The following FER1L5 variants were observed in gnomAD, a reference collection of about 807,000 sequenced individuals.
The protein encoded by FER1L5 is fer-1 like family member 5.
In FER1L5, 187 loss-of-function variants were observed where a neutral mutation model predicts 279.9. That is an observed-to-expected ratio of 0.67 (90% CI 0.59 to 0.75). FER1L5 has a LOEUF of 0.75. FER1L5 is among the 30% of genes least tolerant of loss of function. The pLI, the probability that FER1L5 is intolerant of heterozygous loss-of-function variation, is 0.00. For missense variants in FER1L5, 2,091 were observed against 2,594.4 expected (o/e 0.81, Z 4.21); for synonymous variants, 921 against 989.7 (o/e 0.93, Z 1.30).
At chr2:96,679,259 C>T (rs1166754102) in intron 19 of FER1L5, among the ~76,000 whole-genome samples, 2 of 151,622 alleles carry the variant, frequency 1.3e-5, no homozygotes, top group Non-Finnish European at 2.9e-5. Flanking sequence ...GCGTCTCGCT[C>T]CCTCACCAGG....
At chr2:96,688,923 C>T in intron 24 of FER1L5, 1 of 340,184 alleles carries the variant, frequency 2.9e-6, no homozygotes, top group Non-Finnish European at 5.4e-6. Flanking sequence ...TCCCCTTCAC[C>T]CCAGACCCCT....
chr2:96,693,376 T>C (rs2077232066), intron 31 of FER1L5, 130 bp from the exon 32 acceptor site: 1 of 860,352 alleles, frequency 1.2e-6, no homozygotes, highest in African/African-American at 1.7e-5. Context: ...AGGGGGCCTC[T>C]GGGAGGCCTC....
Position 96,702,184 on chromosome 2 carries a change from T to C in FER1L5, c.5160-122T>C. Reference sequence around the variant, plus strand: ...GAGGAAGCTCTACTGGGAGCTTTCTTCCCCTGAATTCCCCACACTGAGCAA... The same window carrying C: ...GAGGAAGCTCTACTGGGAGCTTTCTCCCCCTGAATTCCCCACACTGAGCAA... On this transcript the variant is annotated intron_variant, in intron 46 of 52. Transcript: ENST00000624922. This position sits in a 1 kb window ranked among gnomAD's most constrained non-coding sequence, Gnocchi z 4.0. 1 of 1,556,014 alleles carries C rather than the reference T, an allele frequency of 6.4e-7. No homozygotes were observed.
chr2:96,659,551 G>T (rs1451839122), intron 9 of FER1L5, among the ~76,000 whole-genome samples: 2 of 145,814 alleles, frequency 1.4e-5, no homozygotes, highest in Admixed American at 1.5e-4. Flanking sequence ...GAGAGCAGTG[G>T]CGCAATCTCG....
chr2:96,647,228 A>C lies in FER1L5; in HGVS notation c.230+73A>C, dbSNP rs1045921698. ...AGCAAGTTATGTGATCCTTGTCTCT[A>C]ATCCATAACTCACTCAGATGAAGGA... is the stretch of plus-strand genomic sequence containing the variant. On this transcript the variant is annotated intron_variant, in intron 3 of 52. Coordinates refer to ENST00000624922, the MANE Select transcript of FER1L5 (RefSeq NM_001293083.2). 5 of 1,443,504 alleles carry C rather than the reference A, an allele frequency of 3.5e-6. No homozygotes were observed. The East Asian group carries it at 1.2e-4, about 36-fold the overall frequency. The allele number at this position is 1,443,504 out of a possible 1,614,324, so 89.4% of individuals were successfully genotyped here. A position where few individuals can be genotyped will look rare whatever the true frequency, so the allele number is the denominator to read the frequency against.
chr2:96,646,491 C>A lies in FER1L5; in HGVS notation c.138+38C>A, dbSNP rs904613468. 7 of 1,548,048 alleles carry A rather than the reference C, an allele frequency of 4.5e-6. No individual in the cohort carries two copies. In the East Asian group the frequency reaches 1.5e-4, roughly 32 times the overall value. On this transcript the variant is annotated intron_variant, in intron 2 of 52. Coordinates refer to ENST00000624922, the MANE Select transcript of FER1L5 (RefSeq NM_001293083.2). The stretch of plus-strand genomic sequence containing the variant: ...GCAAGCCCAGAAGAGGAAATAACAA[C>A]CCCAACAGCAAGGGGGCAAGGGTGG...
intron 14 of FER1L5, among the ~76,000 whole-genome samples, chr2:96,668,442 G>A (rs992618822): frequency 6.6e-6 from 1 of 152,172 alleles, no homozygotes; most frequent in African/African-American, 2.4e-5. Context: ...GCTGAGGCGG[G>A]AGGATCGTTT....
Position 96,699,684 on chromosome 2 carries a change from T to C in FER1L5, c.4745T>C (p.Phe1582Ser). ...IDLENRLLSGFGAHCGLSKSY... is the reference protein window; with the variant it reads ...IDLENRLLSGSGAHCGLSKSY... ...CTTGAAAACCGACTCCTATCTGGCT[T>C]TGGAGCTCATTGTGGGCTCTCCAAA... Residue 1582 changes from phenylalanine to serine, a missense_variant, in exon 43 of 53, where the codon TTT becomes TCT. Transcript: ENST00000624922. 1.2e-6 allele frequency: 2 copies of C among 1,614,048 alleles called. No homozygotes were observed. The highest frequency in any genetic ancestry group is 1.1e-5 in the South Asian group (1 of 91,086).
Position 96,703,341 on chromosome 2 carries a change from T to C in FER1L5, c.5686T>C (p.Leu1896=), listed in dbSNP as rs745906805. Residue 1896 remains leucine (L), a synonymous_variant, in exon 50 of 53, where the codon TTG becomes CTG. Transcript: ENST00000624922. Reference sequence around the variant, plus strand: ...GGTCCTCGATGGTGGCAAATGGCGCTTGTCGGTAGGAGCTGGGGAGTGTCT... The same window carrying C: ...GGTCCTCGATGGTGGCAAATGGCGCCTGTCGGTAGGAGCTGGGGAGTGTCT... ...CQVLDGGKWR[L]SGKVKMSLEI... is the part of the protein sequence containing the mutation. 5.6e-6 allele frequency: 9 copies of C among 1,609,302 alleles called. No homozygotes were observed. The highest frequency in any genetic ancestry group is 6.8e-6 in the Non-Finnish European group (8 of 1,177,670).
chr2:96,691,269 C>A lies in FER1L5; in HGVS notation c.2823C>A (p.Cys941Ter), dbSNP rs1341208615. ...WSPVEKTYHS[C>*]RRRRWARVRF... ...CGGTGGAGAAGACCTACCACTCGTG[C>A]CGCCGCCGGCGCTGGGCGCGTGTGC... Residue 941 changes from cysteine to a stop codon, truncating the protein, a stop_gained, in exon 28 of 53, where the codon TGC (cysteine) becomes TGA (stop). Transcript: ENST00000624922. LOFTEE classifies it high-confidence loss of function. The surrounding 1 kb of genome is among the most constrained non-coding windows in gnomAD (Gnocchi z 6.0). 1 of 1,550,410 alleles carries A rather than the reference C, an allele frequency of 6.4e-7. No individual in the cohort carries two copies.
intron 14 of FER1L5, among the ~76,000 whole-genome samples, chr2:96,664,146 AGAGAGAGGAAG>A (rs1267026261): frequency 6.6e-6 from 1 of 150,766 alleles, no homozygotes; most frequent in African/African-American, 2.4e-5. Flanking sequence ...AAAGAGAGAG[AGAGAGAGGAAG>A]GAGAGAGGGA....
In FER1L5 at chr2:96,669,081, T is replaced by G. The variant is rs952373573; in HGVS notation, c.1306T>G (p.Phe436Val). The G allele has an allele frequency of 2.8e-5, 43 of 1,551,596 alleles. No individual in the cohort carries two copies. Among genetic ancestry groups the G allele is most frequent in the Non-Finnish European group, 3.4e-5 (39 of 1,147,000 alleles). ...SGFLPCFGPS[F>V]LTLHGGKKAP... ...CTTCCTGCCCTGCTTTGGCCCCAGCTTCCTGACTCTGCATGGGGGTAAAAA... is the reference window on the plus strand; with the variant it reads ...CTTCCTGCCCTGCTTTGGCCCCAGCGTCCTGACTCTGCATGGGGGTAAAAA... The change falls in exon 17 of 53, where the codon TTC becomes GTC. Residue 436 changes from phenylalanine (F) to valine (V), a missense_variant. Phe to Val is a conservative substitution (Grantham distance 50). Coordinates refer to ENST00000624922, the MANE Select transcript of FER1L5 (RefSeq NM_001293083.2).
intron 20 of FER1L5, among the ~76,000 whole-genome samples, chr2:96,684,700 G>T (rs2076854973): frequency 6.6e-6 from 1 of 152,236 alleles, no homozygotes; most frequent in African/African-American, 2.4e-5. Context: ...TGCAACTAGG[G>T]CTATGATGGA....
intron 17 of FER1L5, among the ~76,000 whole-genome samples, chr2:96,669,660 TC>T (rs1573857214): frequency 6.6e-6 from 1 of 151,898 alleles, no homozygotes. Flanking sequence ...TCACTCTCCT[TC>T]CCCCCTGCCT....
chr2:96,662,340 T>A, intron 13 of FER1L5, 73 bp downstream of exon 13: 1 of 1,397,100 alleles, frequency 7.2e-7, no homozygotes, highest in Non-Finnish European at 9.9e-7. Flanking sequence ...GAGGGTGGCC[T>A]GGTGGGCAAG....
intron 50 of FER1L5, 82 bp from the exon 51 acceptor site, chr2:96,703,441 T>C: frequency 1.2e-6 from 2 of 1,606,614 alleles, no homozygotes; most frequent in African/African-American, 2.7e-5. Flanking sequence ...CCTTTTCCTT[T>C]CTTGATCCCG....
Position 96,689,159 on chromosome 2 carries a change from C to T in FER1L5, c.2362-54C>T, listed in dbSNP as rs1679173216. 4 of 1,527,144 alleles carry T rather than the reference C, an allele frequency of 2.6e-6. No individual in the cohort carries two copies. Among genetic ancestry groups the T allele is most frequent in the East Asian group, 2.5e-5 (1 of 40,574 alleles). 94.6% of individuals were successfully genotyped at this position (1,527,144 alleles called of 1,614,324 possible). ...CAGGGGGCCCAGGGGAGGCCCATGT[C>T]CCCGCACTTTGTGCTAGAGGAGGCG... On this transcript the variant is annotated intron_variant, in intron 24 of 52. Coordinates refer to ENST00000624922, the MANE Select transcript of FER1L5 (RefSeq NM_001293083.2). The surrounding 1 kb of genome is among the most constrained non-coding windows in gnomAD (Gnocchi z 4.6).
At chr2:96,688,979 C>G in intron 24 of FER1L5, 1 of 505,824 alleles carries the variant, frequency 2.0e-6, no homozygotes, top group Non-Finnish European at 3.5e-6. Context: ...CTTATGATAT[C>G]TCTGTCCACA....
In FER1L5 at chr2:96,660,328, G is replaced by A. The variant is rs1394764621; in HGVS notation, c.748-13G>A. ...GGCCCTAACTAATCCTCACCCCACT[G>A]TTGTCTTTTCAGACAGATATTGGGT... On this transcript the variant is annotated splice_polypyrimidine_tract_variant and intron_variant, in intron 9 of 52. Coordinates refer to ENST00000624922, the MANE Select transcript of FER1L5 (RefSeq NM_001293083.2). 2.6e-6 allele frequency: 4 copies of A among 1,551,500 alleles called. No individual in the cohort carries two copies. Among genetic ancestry groups the A allele is most frequent in the Non-Finnish European group, 3.5e-6 (4 of 1,146,942 alleles).
Sources: allele counts gnomAD v4.1 joint callset (sites outside exome capture counted in the v4.1 genomes callset), GRCh38; gene constraint gnomAD v4.1.1; non-coding constraint Gnocchi (gnomAD v3.1); transcripts MANE v1.5; gene names NCBI Gene and HGNC (gene_info 2026-07-23, HGNC 2026-07-21).